The following KRT1 variants were observed in gnomAD, a reference collection of about 807,000 sequenced individuals.
KRT1 encodes keratin 1.
Under a neutral mutation model 51.6 loss-of-function variants are expected in KRT1, and 28 were observed. That is an observed-to-expected ratio of 0.54 (90% CI 0.40 to 0.74). The LOEUF (loss-of-function observed/expected upper bound fraction) is 0.74, where lower values mean the gene tolerates loss of function less well. KRT1 is among the 30% of genes least tolerant of loss of function. KRT1 has a pLI of 0.00. For missense variants in KRT1, 783 were observed against 815.5 expected (o/e 0.96, Z 0.49); for synonymous variants, 301 against 307.7 (o/e 0.98, Z 0.23).
rs753673491 is a variant in KRT1, at chr12:52,678,262, G to GT, written c.807-40dup. The GT allele has an allele frequency of 3.7e-6, 6 of 1,601,140 alleles. No homozygotes were observed. In the Admixed American group the frequency reaches 1.0e-4, roughly 27 times the overall value. ...GAAACAATTAGGAGATTCAGAGGTG[G>GT]TAAGACCTGAAGTCCAGCATTCTAA... On this transcript the variant is annotated intron_variant, in intron 2 of 8. Coordinates refer to ENST00000252244, the MANE Select transcript of KRT1 (RefSeq NM_006121.4).
At chr12:52,677,622 T>A (rs761110809) in intron 4 of KRT1, 28 bp downstream of exon 4, 10 of 1,611,062 alleles carry the variant, frequency 6.2e-6, no homozygotes, top group Non-Finnish European at 8.5e-6. Flanking sequence ...TCCATTTAGA[T>A]AAACTTGGTT....
At chr12:52,678,050 C>T (rs1941536923) in intron 3 of KRT1, 113 bp downstream of exon 3, 1 of 991,362 alleles carries the variant, frequency 1.0e-6, no homozygotes, top group Non-Finnish European at 1.6e-6. Context: ...TCCATATACT[C>T]CCCAGGTCTA....
At position 52,678,861 on chromosome 12, in the gene KRT1, A is replaced by G. The variant is rs1208173944; in HGVS notation, c.592-105T>C. The G allele has an allele frequency of 6.1e-6, 6 of 978,776 alleles. No homozygotes were observed. The East Asian group carries it at 1.3e-4, about 21-fold the overall frequency. The allele number at this position is 978,776 out of a possible 1,614,324, so 60.6% of individuals were successfully genotyped here. A position where few individuals can be genotyped will look rare whatever the true frequency, so the allele number is the denominator to read the frequency against. ...GAACCTCAATTCCTATCTTCTGACC[A>G]TGACAGAGAAATAGGAAGAAGATGA... On this transcript the variant is annotated intron_variant, in intron 1 of 8. Coordinates refer to ENST00000252244, the MANE Select transcript of KRT1 (RefSeq NM_006121.4).
At chr12:52,676,829 T>C (rs549932284) in intron 6 of KRT1, among the ~76,000 whole-genome samples, 1 of 152,296 alleles carries the variant, frequency 6.6e-6, no homozygotes, top group South Asian at 2.1e-4. Flanking sequence ...GCTAGATCAC[T>C]CACATTGACC....
chr12:52,676,738 A>G (rs1382014843), intron 6 of KRT1, among the ~76,000 whole-genome samples: 1 of 152,132 alleles, frequency 6.6e-6, no homozygotes, highest in African/African-American at 2.4e-5. Context: ...CAGACTTGAC[A>G]TTCTTCTAAA....
Position 52,674,994 on chromosome 12 carries a change from G to A in KRT1, c.*199C>T. On this transcript the variant is annotated 3_prime_UTR_variant, in exon 9 of 9. Coordinates refer to ENST00000252244, the MANE Select transcript of KRT1 (RefSeq NM_006121.4). ...AGAACAAAGCAGGGTCATAGCCAGG[G>A]GACTGAGATTGCCACTGATCTGAAA... 1 of 765,810 alleles carries A rather than the reference G, an allele frequency of 1.3e-6. No homozygotes were observed. The highest frequency in any genetic ancestry group is 2.3e-6 in the Non-Finnish European group (1 of 441,166). The allele number at this position is 765,810 out of a possible 1,614,324, so 47.4% of individuals were successfully genotyped here. A position where few individuals can be genotyped will look rare whatever the true frequency, so the allele number is the denominator to read the frequency against.
In KRT1 at chr12:52,677,695, G is replaced by T; in HGVS notation, c.918C>A (p.Asp306Glu). The change falls in exon 4 of 9, where the codon GAC (aspartate) becomes GAA (glutamate). Residue 306 changes from aspartate (D) to glutamate (E), a missense_variant. By Grantham distance (45) the Asp-to-Glu change is conservative. Coordinates refer to ENST00000252244, the MANE Select transcript of KRT1 (RefSeq NM_006121.4). ...GGAAATCAATTTCCTGCTGCAAGTT[G>T]TCAAGTTTGGCCTGAAGGTCCACCT... The part of the protein sequence containing the change: ...MTKVDLQAKL[D>E]NLQQEIDFLT... 1.2e-6 allele frequency: 2 copies of T among 1,614,208 alleles called. No homozygotes were observed. Among genetic ancestry groups the T allele is most frequent in the Non-Finnish European group, 1.7e-6 (2 of 1,180,048 alleles).
At position 52,675,511 on chromosome 12, in the gene KRT1, A is replaced by G. The variant is rs754622806; in HGVS notation, c.1617T>C (p.Tyr539=). Residue 539 remains tyrosine (Y), a synonymous_variant, in exon 9 of 9, where the codon TAT becomes TAC. Transcript: ENST00000252244. The stretch of plus-strand genomic sequence containing the variant: ...CGCCGCCGCCGCCACCTCCAGAACC[A>G]TAGCTACCACCTCCGGAGCCATAGC... ...GSSYGSGGGS[Y]GSGGGGGGGR... 1.2e-6 allele frequency: 2 copies of G among 1,603,950 alleles called. No individual in the cohort carries two copies. The highest frequency in any genetic ancestry group is 1.7e-6 in the Non-Finnish European group (2 of 1,173,542).
At position 52,675,129 on chromosome 12, in the gene KRT1, T is replaced by C; in HGVS notation, c.*64A>G. On this transcript the variant is annotated 3_prime_UTR_variant, in exon 9 of 9. Transcript: ENST00000252244. ...GGCTGGGACAAATCGACCTCGGTCT[T>C]GCCAAGCATATTTGTTAGTGATGCT... 5 of 1,598,560 alleles carry C rather than the reference T, an allele frequency of 3.1e-6. No individual in the cohort carries two copies. Among genetic ancestry groups the C allele is most frequent in the Non-Finnish European group, 4.3e-6 (5 of 1,167,422 alleles).
At chr12:52,678,100 A>G in intron 3 of KRT1, 63 bp downstream of exon 3, 1 of 1,509,696 alleles carries the variant, frequency 6.6e-7, no homozygotes, top group Non-Finnish European at 9.2e-7. Flanking sequence ...TCTGCTTAGT[A>G]ATTGGAGACC....
intron 1 of KRT1, among the ~76,000 whole-genome samples, chr12:52,679,180 T>G (rs1941550841): frequency 6.6e-6 from 1 of 152,126 alleles, no homozygotes; most frequent in African/African-American, 2.4e-5. Context: ...TATTAATGAT[T>G]AAGCAAAAAA....
Position 52,677,678 on chromosome 12 carries a change from A to G in KRT1, c.935T>C (p.Ile312Thr), listed in dbSNP as rs758313016. Residue 312 changes from isoleucine to threonine, a missense_variant, in exon 4 of 9, where the codon ATT (isoleucine) becomes ACT (threonine). Coordinates refer to ENST00000252244, the MANE Select transcript of KRT1 (RefSeq NM_006121.4). ...TTGGTAGAGTGCTGTAAGGAAATCAATTTCCTGCTGCAAGTTGTCAAGTTT... is the reference window on the plus strand; with the variant it reads ...TTGGTAGAGTGCTGTAAGGAAATCAGTTTCCTGCTGCAAGTTGTCAAGTTT... Reference protein sequence around the residue: ...QAKLDNLQQEIDFLTALYQAE... With the variant: ...QAKLDNLQQETDFLTALYQAE... The G allele has an allele frequency of 1.1e-5, 18 of 1,614,194 alleles. No individual in the cohort carries two copies. Among genetic ancestry groups the G allele is most frequent in the Middle Eastern group, 3.3e-4 (2 of 6,062 alleles).
intron 4 of KRT1, 42 bp from the exon 5 acceptor site, chr12:52,677,522 C>G: frequency 6.2e-7 from 1 of 1,612,442 alleles, no homozygotes; most frequent in East Asian, 2.2e-5. Flanking sequence ...AGCACTAAAA[C>G]AAAAAACAAC....
chr12:52,678,117 C>A (rs1941537925), intron 3 of KRT1, 46 bp downstream of exon 3: 8 of 1,581,490 alleles, frequency 5.1e-6, no homozygotes, highest in Non-Finnish European at 7.0e-6. Context: ...GACCCTCTTC[C>A]CTTATTTATT....
intron 4 of KRT1, 62 bp from the exon 5 acceptor site, chr12:52,677,542 G>C: frequency 6.2e-7 from 1 of 1,609,650 alleles, no homozygotes; most frequent in Non-Finnish European, 8.5e-7. Context: ...CTTAGACAGA[G>C]AAAGCAGTCA....
chr12:52,678,520 C>T, intron 2 of KRT1, 22 bp downstream of exon 2: 1 of 1,611,548 alleles, frequency 6.2e-7, no homozygotes, highest in Non-Finnish European at 8.5e-7. Context: ...AAGTTAAGAA[C>T]TGCCCAGACA....
chr12:52,680,290 C>T lies in KRT1; in HGVS notation c.59G>A (p.Gly20Asp), dbSNP rs368821072. The T allele has an allele frequency of 5.6e-5, 91 of 1,614,058 alleles. No homozygotes were observed. The highest frequency in any genetic ancestry group is 6.4e-5 in the Non-Finnish European group (75 of 1,180,036). Residue 20 changes from glycine to aspartate, a missense_variant, in exon 1 of 9, where the codon GGC becomes GAC. By Grantham distance (94) the Gly-to-Asp change is moderately conservative. Transcript: ENST00000252244. ...CTGGTAGTTGATGATCCCAGCAGAGCCAGAGCTGAAGCCCCCTCCACTTCG... is the reference window on the plus strand; with the variant it reads ...CTGGTAGTTGATGATCCCAGCAGAGTCAGAGCTGAAGCCCCCTCCACTTCG... ...GYRSGGGFSSGSAGIINYQRR... is the reference protein window; with the variant it reads ...GYRSGGGFSSDSAGIINYQRR...
At position 52,680,174 on chromosome 12, in the gene KRT1, C is replaced by G; in HGVS notation, c.175G>C (p.Gly59Arg). The G allele has an allele frequency of 6.2e-7, 1 of 1,611,874 alleles. No individual in the cohort carries two copies. Among genetic ancestry groups the G allele is most frequent in the Non-Finnish European group, 8.5e-7 (1 of 1,178,850 alleles). Residue 59 changes from glycine (G) to arginine (R), a missense_variant, in exon 1 of 9, where the codon GGT becomes CGT. Gly to Arg is a moderately radical substitution (Grantham distance 125). Transcript: ENST00000252244. ...CGGGGGSFGA[G>R]GGFGSRSLVN... ...AGACTCCGACTTCCAAATCCACCAC[C>G]AGCACCAAAGCTACCACCACCACCA...
chr12:52,675,335 C>T lies in KRT1; in HGVS notation c.1793G>A (p.Ser598Asn). The T allele has an allele frequency of 1.9e-6, 3 of 1,610,276 alleles. No individual in the cohort carries two copies. Among genetic ancestry groups the T allele is most frequent in the Non-Finnish European group, 2.5e-6 (3 of 1,179,340 alleles). ...GCCGCCAGAGCCCCGGCCGCCAGAG[C>T]TGCCGCCGCCGCCGCCTCCAGAGCC... ...RGGSGGGGGG[S>N]SGGRGSGGGS... is the part of the protein sequence containing the mutation. The change falls in exon 9 of 9, where the codon AGC (serine) becomes AAC (asparagine). Residue 598 changes from serine to asparagine, a missense_variant. Coordinates refer to ENST00000252244, the MANE Select transcript of KRT1 (RefSeq NM_006121.4).
Sources: gnomAD v4.1 joint callset for allele counts (sites outside exome capture counted in the v4.1 genomes callset) on GRCh38, gnomAD v4.1.1 for gene constraint, MANE v1.5 for transcripts, NCBI Gene and HGNC (gene_info 2026-07-23, HGNC 2026-07-21) for gene names.